AP1S3: variants seen among roughly 807,000 people sequenced by gnomAD.
AP1S3 encodes adaptor related protein complex 1 subunit sigma 3.
A neutral mutation model predicts 20.9 loss-of-function variants in AP1S3; 10 were observed. The observed-to-expected ratio is 0.48, with a 90% CI of 0.29 to 0.81. The LOEUF (loss-of-function observed/expected upper bound fraction) is 0.81, where lower values mean the gene tolerates loss of function less well. Ranked by LOEUF, AP1S3 falls within the 30% of genes least tolerant of loss-of-function variation. The probability of loss-of-function intolerance (pLI) is 0.08; values close to 1 mark genes in which losing one functional copy is unlikely to be tolerated. For missense variants in AP1S3, 154 were observed against 183.8 expected, an observed-to-expected ratio of 0.84 and a Z score of 0.94; for synonymous variants, 41 against 61.5, an observed-to-expected ratio of 0.67 and a Z score of 1.56.
chr2:223,772,751 C>T (rs1433865495), intron 3 of AP1S3, among the ~76,000 whole-genome samples: 1 of 152,072 alleles, frequency 6.6e-6, no homozygotes, highest in Non-Finnish European at 1.5e-5. Context: ...AGCTCAGTAC[C>T]AAGTTTTCCC....
intron 4 of AP1S3, among the ~76,000 whole-genome samples, chr2:223,763,029 C>T (rs1205123799): frequency 1.3e-5 from 2 of 152,166 alleles, no homozygotes; most frequent in Non-Finnish European, 2.9e-5. Flanking sequence ...TATGCAAAGT[C>T]AATTCTTCAA....
chr2:223,794,070 T>G (rs1691279269), intron 1 of AP1S3, among the ~76,000 whole-genome samples: 1 of 152,066 alleles, frequency 6.6e-6, no homozygotes, highest in South Asian at 2.1e-4. Context: ...ACCTCTTGGG[T>G]TTTTTTTCCT....
intron 1 of AP1S3, among the ~76,000 whole-genome samples, chr2:223,816,476 C>G (rs1448963050): frequency 1.3e-5 from 2 of 152,310 alleles, no homozygotes; most frequent in Non-Finnish European, 2.9e-5. Context: ...TGAGTAGCCA[C>G]AAACCTTAAC....
At chr2:223,806,999 G>A (rs1206870323) in intron 1 of AP1S3, among the ~76,000 whole-genome samples, 2 of 152,046 alleles carry the variant, frequency 1.3e-5, no homozygotes, top group Non-Finnish European at 2.9e-5. Context: ...GGGCACAATG[G>A]CTCACCTCTG....
At chr2:223,764,751 A>C (rs622033) in intron 4 of AP1S3, among the ~76,000 whole-genome samples, 106,349 of 152,142 alleles carry the variant, frequency 0.7, 38,309 homozygotes, top group East Asian at 0.98. Context: ...TTTCCCAGGG[A>C]AGCATAGGTA....
chr2:223,758,341 C>A lies in AP1S3; in HGVS notation c.*374G>T. The stretch of plus-strand genomic sequence containing the variant: ...AATGACATCATATATACTTTACATT[C>A]AAAATCATGGATTATTACAATATTG... On this transcript the variant is annotated 3_prime_UTR_variant, in exon 5 of 5. Coordinates refer to ENST00000396654, the MANE Select transcript of AP1S3 (RefSeq NM_001039569.2). The A allele has an allele frequency of 2.0e-6, 2 of 998,218 alleles. No individual in the cohort carries two copies. Among genetic ancestry groups the A allele is most frequent in the South Asian group, 9.4e-5 (2 of 21,388 alleles). 61.8% of individuals were successfully genotyped at this position (998,218 alleles called of 1,614,324 possible).
At chr2:223,781,967 T>A (rs1427147860) in intron 1 of AP1S3, among the ~76,000 whole-genome samples, 1 of 152,082 alleles carries the variant, frequency 6.6e-6, no homozygotes, top group African/African-American at 2.4e-5. Flanking sequence ...CAAGTATCTT[T>A]GGAAGAATAA....
intron 3 of AP1S3, among the ~76,000 whole-genome samples, chr2:223,766,815 C>T (rs1375774572): frequency 6.6e-6 from 1 of 152,178 alleles, no homozygotes; most frequent in East Asian, 1.9e-4. Flanking sequence ...AAATGCCCAT[C>T]AATGATAGAC....
chr2:223,799,971 G>A (rs745980025), intron 1 of AP1S3, among the ~76,000 whole-genome samples: 3 of 152,122 alleles, frequency 2.0e-5, no homozygotes, highest in African/African-American at 7.2e-5. Context: ...AGCACTTCCC[G>A]AAGTGGGGCA....
At chr2:223,821,484 T>C (rs2106126003) in intron 1 of AP1S3, among the ~76,000 whole-genome samples, 1 of 152,306 alleles carries the variant, frequency 6.6e-6, no homozygotes, top group Non-Finnish European at 1.5e-5. Context: ...CTCTTAATAA[T>C]GTCCCAATTC....
intron 1 of AP1S3, among the ~76,000 whole-genome samples, chr2:223,786,549 T>A (rs1255192944): frequency 6.6e-6 from 1 of 151,646 alleles, no homozygotes; most frequent in East Asian, 1.9e-4. Context: ...AGGCCAGGAA[T>A]TCAAGACTAG....
chr2:223,777,873 GAA>G lies in AP1S3; in HGVS notation c.4-6_4-5del. On this transcript the variant is annotated splice_polypyrimidine_tract_variant and splice_region_variant and intron_variant, in intron 1 of 4. Transcript: ENST00000396654. ...TGAAGAGCAATATGAAATGTATCTA[GAA>G]CAAAGGACACAAAAAACAGAACCTG... is the stretch of plus-strand genomic sequence containing the variant. The G allele has an allele frequency of 6.2e-7, 1 of 1,607,640 alleles. No individual in the cohort carries two copies. The highest frequency in any genetic ancestry group is 8.5e-7 in the Non-Finnish European group (1 of 1,177,206).
chr2:223,804,213 G>T (rs1236424509), intron 1 of AP1S3, among the ~76,000 whole-genome samples: 1 of 152,144 alleles, frequency 6.6e-6, no homozygotes, highest in East Asian at 1.9e-4. Context: ...GAAGCCACCA[G>T]CCAGGCAGTG....
chr2:223,816,778 T>C (rs769407453), intron 1 of AP1S3, among the ~76,000 whole-genome samples: 2 of 152,196 alleles, frequency 1.3e-5, no homozygotes, highest in Non-Finnish European at 2.9e-5. Context: ...AGAGTCAACA[T>C]ACTACAGACT....
chr2:223,804,972 TA>T (rs2106113676), intron 1 of AP1S3, among the ~76,000 whole-genome samples: 1 of 152,280 alleles, frequency 6.6e-6, no homozygotes, highest in South Asian at 2.1e-4. Context: ...CTTACACACA[TA>T]CAACCGTGAG....
chr2:223,782,476 C>A (rs1408094489), intron 1 of AP1S3, among the ~76,000 whole-genome samples: 2 of 152,170 alleles, frequency 1.3e-5, no homozygotes, highest in East Asian at 3.8e-4. Flanking sequence ...GCACCTAGAT[C>A]AACGTTGGAA....
Position 223,791,196 on chromosome 2 carries a change from T to C in AP1S3, c.4-13327A>G, listed in dbSNP as rs1691209462. Among the ~76,000 whole-genome samples, 3 of 152,270 alleles carry C rather than the reference T, an allele frequency of 2.0e-5. No homozygotes were observed. In the South Asian group the frequency reaches 6.2e-4, roughly 32 times the overall value. On this transcript the variant is annotated intron_variant, in intron 1 of 4. Coordinates refer to ENST00000396654, the MANE Select transcript of AP1S3 (RefSeq NM_001039569.2). ...ATTCATGAGGCCAGCATCATCCTGATACCAAAACCTGGCAGAGACACAACA... is the reference window on the plus strand; with the variant it reads ...ATTCATGAGGCCAGCATCATCCTGACACCAAAACCTGGCAGAGACACAACA...
At chr2:223,782,158 G>T (rs529775112) in intron 1 of AP1S3, among the ~76,000 whole-genome samples, 1 of 151,802 alleles carries the variant, frequency 6.6e-6, no homozygotes, top group Admixed American at 6.6e-5. Flanking sequence ...GATTACAGGC[G>T]TCCATCACCA....
Position 223,779,908 on chromosome 2 carries a change from A to G in AP1S3, c.4-2039T>C, listed in dbSNP as rs1346758251. Among the ~76,000 whole-genome samples the G allele has an allele frequency of 9.2e-5, 14 of 152,272 alleles. No homozygotes were observed. The East Asian group carries it at 2.5e-3, about 27-fold the overall frequency. Reference sequence around the variant, plus strand: ...CTTGAATCCAGGAGGCAGAGGTTGCAGTGAGCCAAGATTGTGCCACTGCAC... The same window carrying G: ...CTTGAATCCAGGAGGCAGAGGTTGCGGTGAGCCAAGATTGTGCCACTGCAC... On this transcript the variant is annotated intron_variant, in intron 1 of 4. Coordinates refer to ENST00000396654, the MANE Select transcript of AP1S3 (RefSeq NM_001039569.2).
Sources: gnomAD v4.1 joint callset for allele counts (sites outside exome capture counted in the v4.1 genomes callset) on GRCh38, gnomAD v4.1.1 for gene constraint, MANE v1.5 for transcripts, NCBI Gene and HGNC (gene_info 2026-07-23, HGNC 2026-07-21) for gene names.